Variants in RFX4 observed in about 807,000 individuals in gnomAD.
RFX4 encodes regulatory factor X4.
A neutral mutation model predicts 95.0 loss-of-function variants in RFX4; 10 were observed. That is an observed-to-expected ratio of 0.11 (90% CI 0.06 to 0.18). The LOEUF (loss-of-function observed/expected upper bound fraction) is 0.18, where lower values mean the gene tolerates loss of function less well. Among genes scored for constraint, RFX4 ranks in the 10% least tolerant of loss-of-function variants. The pLI is 1.00. For missense variants in RFX4, 640 were observed against 922.0 expected (o/e 0.69, Z 3.96); for synonymous variants, 321 against 340.7 (o/e 0.94, Z 0.64).
rs190094835 is a variant in RFX4 at position 106,596,041 on chromosome 12, C to A, written c.43+12678C>A. ...CTTTAAGCACCACTTGCAAGGAGAA[C>A]CTTGTGGTCCTCTAGTGACTTCCAA... On this transcript the variant is annotated intron_variant, in intron 1 of 17. Coordinates refer to ENST00000392842, the MANE Select transcript of RFX4 (RefSeq NM_213594.3). 2.5e-3 allele frequency among the ~76,000 whole-genome samples: 385 copies of A among 152,300 alleles called. 1 individual carries two copies. The highest frequency in any genetic ancestry group is 8.5e-3 in the African/African-American group (354 of 41,564).
chr12:106,683,476 A>AAAC (rs2041567607), intron 5 of RFX4: 1 of 146,842 alleles, frequency 6.8e-6, no homozygotes, highest in Non-Finnish European at 1.5e-5. Context: ...GAAAAAAAAA[A>AAAC]AAAAAAAAAA....
intron 11 of RFX4, 56 bp downstream of exon 11, chr12:106,715,600 A>C: frequency 6.3e-7 from 1 of 1,596,362 alleles, no homozygotes; most frequent in East Asian, 2.2e-5. Flanking sequence ...AGAAAGAAAA[A>C]GTGTCTTAGT....
intron 8 of RFX4, among the ~76,000 whole-genome samples, chr12:106,701,622 C>T (rs959786568): frequency 6.6e-6 from 1 of 152,226 alleles, no homozygotes; most frequent in African/African-American, 2.4e-5. Context: ...TTCAGGTTCA[C>T]TGAGTCTTTC....
chr12:106,616,607 T>C (rs2040079119), intron 2 of RFX4, among the ~76,000 whole-genome samples: 1 of 152,148 alleles, frequency 6.6e-6, no homozygotes, highest in South Asian at 2.1e-4. Flanking sequence ...TGAGGGAAAG[T>C]TTTTAATGAT....
intron 13 of RFX4, among the ~76,000 whole-genome samples, chr12:106,730,891 T>C (rs796199306): frequency 6.6e-5 from 10 of 152,062 alleles, no homozygotes; most frequent in African/African-American, 2.4e-4. Flanking sequence ...TCCCAGCTAC[T>C]GGGGAGGCTG....
At chr12:106,646,510 T>C (rs1442633193) in intron 3 of RFX4, among the ~76,000 whole-genome samples, 2 of 142,170 alleles carry the variant, frequency 1.4e-5, no homozygotes, top group Non-Finnish European at 1.5e-5. Context: ...AGAAGCTACC[T>C]AAGCCCAGGC....
chr12:106,686,829 G>A (rs1162113419), intron 5 of RFX4, 55 bp from the exon 6 acceptor site: 2 of 1,507,190 alleles, frequency 1.3e-6, no homozygotes, highest in Admixed American at 1.8e-5. Flanking sequence ...CAGTGCATGT[G>A]GGTCTCTCTC....
chr12:106,644,074 A>T (rs1565961847), intron 3 of RFX4, among the ~76,000 whole-genome samples: 1 of 152,074 alleles, frequency 6.6e-6, no homozygotes, highest in Non-Finnish European at 1.5e-5. Flanking sequence ...AAAAATATTG[A>T]CCCGCAACCT....
intron 1 of RFX4, among the ~76,000 whole-genome samples, chr12:106,605,047 A>G (rs1295020666): frequency 1.3e-5 from 2 of 152,212 alleles, no homozygotes; most frequent in African/African-American, 4.8e-5. Flanking sequence ...TATCTCTAAA[A>G]TGGGCCTATT....
intron 15 of RFX4, among the ~76,000 whole-genome samples, chr12:106,736,852 C>T (rs1267463389): frequency 6.6e-6 from 1 of 152,142 alleles, no homozygotes; most frequent in Non-Finnish European, 1.5e-5. Context: ...CCAGACTCTA[C>T]TCTGTCCTCT....
At chr12:106,596,156 C>T (rs993635455) in intron 1 of RFX4, among the ~76,000 whole-genome samples, 15 of 152,140 alleles carry the variant, frequency 9.9e-5, no homozygotes, top group African/African-American at 3.4e-4. Flanking sequence ...CTTGTAGCTC[C>T]CATAATTCCC....
At chr12:106,734,024 AC>A (rs1300877558) in intron 15 of RFX4, among the ~76,000 whole-genome samples, 1 of 152,186 alleles carries the variant, frequency 6.6e-6, no homozygotes, top group African/African-American at 2.4e-5. Context: ...TCATGCTACA[AC>A]TCTGATGAAC....
chr12:106,609,996 T>C (rs2039925300), intron 2 of RFX4, among the ~76,000 whole-genome samples: 1 of 152,214 alleles, frequency 6.6e-6, no homozygotes, highest in Non-Finnish European at 1.5e-5. Flanking sequence ...TTGTTGTCTC[T>C]AGCAGTAGTT....
Position 106,720,678 on chromosome 12 carries a change from C to T in RFX4, c.1234-81C>T. 5.7e-6 allele frequency: 8 copies of T among 1,391,512 alleles called. 1 individual carries two copies. Among genetic ancestry groups the T allele is most frequent in the Middle Eastern group, 4.1e-4 (2 of 4,822 alleles). The allele number at this position is 1,391,512 out of a possible 1,614,324, so 86.2% of individuals were successfully genotyped here. A position where few individuals can be genotyped will look rare whatever the true frequency, so the allele number is the denominator to read the frequency against. ...CTGGGATTACAGGCGTGAGCCACTT[C>T]AACCGGCCTCATTTTTCAAAGAGAC... is the stretch of plus-strand genomic sequence containing the variant. On this transcript the variant is annotated intron_variant, in intron 12 of 17. Coordinates refer to ENST00000392842, the MANE Select transcript of RFX4 (RefSeq NM_213594.3). The surrounding 1 kb of genome is among the most constrained non-coding windows in gnomAD (Gnocchi z 4.2).
chr12:106,683,701 TG>T (rs2041580027), intron 5 of RFX4: 1 of 152,140 alleles, frequency 6.6e-6, no homozygotes, highest in Admixed American at 6.5e-5. Flanking sequence ...CTCCAGCTCT[TG>T]GTCTTTGAGG....
Position 106,725,838 on chromosome 12 carries a change from C to A in RFX4, c.1351+4962C>A, listed in dbSNP as rs560141120. On this transcript the variant is annotated intron_variant, in intron 13 of 17. Coordinates refer to ENST00000392842, the MANE Select transcript of RFX4 (RefSeq NM_213594.3). Reference sequence around the variant, plus strand: ...TCACAATAAAGGAGAAAGTCTCTTCCTCCAAAAAAAATTAGGCATAAATGT... The same window carrying A: ...TCACAATAAAGGAGAAAGTCTCTTCATCCAAAAAAAATTAGGCATAAATGT... Among the ~76,000 whole-genome samples, 17 of 151,920 alleles carry A rather than the reference C, an allele frequency of 1.1e-4. No homozygotes were observed. In the South Asian group the frequency reaches 3.3e-3, roughly 30 times the overall value.
In RFX4 at chr12:106,720,132, AG is replaced by A; in HGVS notation, c.1233+79del. On this transcript the variant is annotated intron_variant, in intron 12 of 17. Coordinates refer to ENST00000392842, the MANE Select transcript of RFX4 (RefSeq NM_213594.3). The surrounding 1 kb of genome is among the most constrained non-coding windows in gnomAD (Gnocchi z 4.2). ...CCCTCTGTGAACTTGGCCAAGACAA[AG>A]CCCTATGGTAAGCTATCTGAACAGG... 1 of 1,226,222 alleles carries A rather than the reference AG, an allele frequency of 8.2e-7. No individual in the cohort carries two copies. The highest frequency in any genetic ancestry group is 1.2e-6 in the Non-Finnish European group (1 of 830,108). 76.0% of individuals were successfully genotyped at this position (1,226,222 alleles called of 1,614,324 possible).
intron 8 of RFX4, among the ~76,000 whole-genome samples, chr12:106,708,211 GATT>G (rs1250866046): frequency 2.0e-5 from 3 of 152,172 alleles, no homozygotes; most frequent in African/African-American, 7.2e-5. Context: ...CGGTAATGTA[GATT>G]TCCTGAGAAA....
chr12:106,726,477 A>G (rs1453166401), intron 13 of RFX4, among the ~76,000 whole-genome samples: 1 of 152,266 alleles, frequency 6.6e-6, no homozygotes, highest in East Asian at 1.9e-4. Context: ...CATATATGCT[A>G]AACATTTATT....
Sources: allele counts gnomAD v4.1 joint callset (sites outside exome capture counted in the v4.1 genomes callset), GRCh38; gene constraint gnomAD v4.1.1; non-coding constraint Gnocchi (gnomAD v3.1); transcripts MANE v1.5; gene names NCBI Gene and HGNC (gene_info 2026-07-23, HGNC 2026-07-21).